The following TMEM204 variants were observed in gnomAD, a reference collection of about 807,000 sequenced individuals.
TMEM204 encodes the protein claudin-like protein 24.
TMEM204 carries 15 observed loss-of-function variants against 19.4 expected under a neutral mutation model. The observed-to-expected ratio is 0.77, with a 90% confidence interval of 0.52 to 1.19. The LOEUF is 1.19. Among genes scored for constraint, TMEM204 ranks in the 50% most tolerant of loss-of-function variants. TMEM204 has a pLI of 0.00. For synonymous variants in TMEM204, 161 were observed against 146.0 expected (o/e 1.10, Z -0.74); for missense variants, 287 against 321.2 (o/e 0.89, Z 0.81).
intron 2 of TMEM204, among the ~76,000 whole-genome samples, chr16:1,544,880 C>A (rs1452678954): frequency 6.6e-6 from 1 of 151,930 alleles, no homozygotes; most frequent in Non-Finnish European, 1.5e-5. Context: ...GATCTCCTGA[C>A]CTTGTGATCC....
At chr16:1,535,756 C>T (rs1232178473) in intron 1 of TMEM204, among the ~76,000 whole-genome samples, 5 of 152,250 alleles carry the variant, frequency 3.3e-5, no homozygotes, top group South Asian at 2.1e-4. Flanking sequence ...CAAAGGCCCT[C>T]GGCTGCACCG....
intron 1 of TMEM204, among the ~76,000 whole-genome samples, chr16:1,537,552 CTGTGGTG>C (rs760735899): frequency 3.5e-4 from 54 of 152,200 alleles, no homozygotes; most frequent in Non-Finnish European, 6.5e-4. Flanking sequence ...GTCCTGTGGC[CTGTGGTG>C]AGTGGGACTT....
rs140745655 is a variant in TMEM204 at position 1,550,844 on chromosome 16, C to T, written c.437-3938C>T. ...CAAGGAAAGTCAAGAGCGCCCTAGC[C>T]GTCTCTGTGGCTGACGCTGACCCTA... On this transcript the variant is annotated intron_variant, in intron 2 of 2. Transcript: ENST00000566264. Among the ~76,000 whole-genome samples, 813 of 152,344 alleles carry T rather than the reference C, an allele frequency of 5.3e-3. 7 individuals carry two copies. The highest frequency in any genetic ancestry group is 0.019 in the African/African-American group (779 of 41,578).
chr16:1,535,300 A>C (rs1481136686), intron 1 of TMEM204, among the ~76,000 whole-genome samples: 1 of 152,060 alleles, frequency 6.6e-6, no homozygotes, highest in Non-Finnish European at 1.5e-5. Flanking sequence ...ATGCCACCGC[A>C]CCGTGGGGTT....
chr16:1,546,587 C>T (rs1011719719), intron 2 of TMEM204, among the ~76,000 whole-genome samples: 1 of 152,210 alleles, frequency 6.6e-6, no homozygotes, highest in African/African-American at 2.4e-5. Flanking sequence ...AGGCCCGAGG[C>T]GCATCCCACG....
chr16:1,554,776 C>T lies in TMEM204; in HGVS notation c.437-6C>T, dbSNP rs2032952808. 6.2e-7 allele frequency: 1 copy of T among 1,613,934 alleles called. No homozygotes were observed. Among genetic ancestry groups the T allele is most frequent in the Non-Finnish European group, 8.5e-7 (1 of 1,179,862 alleles). On this transcript the variant is annotated splice_polypyrimidine_tract_variant and splice_region_variant and intron_variant, in intron 2 of 2. Coordinates refer to ENST00000566264, the MANE Select transcript of TMEM204 (RefSeq NM_024600.6). ...CAAGGCCTCTCAACCCTTCTCTCATCTGCAGGTTTTGTCCTGGTCATCGGG... is the reference window on the plus strand; with the variant it reads ...CAAGGCCTCTCAACCCTTCTCTCATTTGCAGGTTTTGTCCTGGTCATCGGG...
rs767973939 is a variant in TMEM204, at chr16:1,534,342, G to A, written c.67G>A (p.Val23Met). The A allele has an allele frequency of 9.3e-6, 15 of 1,612,726 alleles. No homozygotes were observed. Among genetic ancestry groups the A allele is most frequent in the African/African-American group, 2.7e-5 (2 of 74,932 alleles). Residue 23 changes from valine to methionine, a missense_variant, in exon 1 of 3, where the codon GTG (valine) becomes ATG (methionine). By Grantham distance (21) the Val-to-Met change is conservative (BLOSUM62 1). Transcript: ENST00000566264. The part of the protein sequence containing the change: ...VALVSLILNN[V>M]AAFTSNWVCQ... ...CCTGGTCTCACTCATCCTCAACAAC[G>A]TGGCGGCCTTCACCTCCAACTGGGT...
chr16:1,535,600 CCA>C (rs745904266), intron 1 of TMEM204, among the ~76,000 whole-genome samples: 2 of 152,304 alleles, frequency 1.3e-5, no homozygotes, highest in East Asian at 3.9e-4. Flanking sequence ...TGTGCCTCAA[CCA>C]CACAGCTCCA....
intron 1 of TMEM204, chr16:1,540,724 A>G: frequency 1.7e-6 from 1 of 593,614 alleles, no homozygotes; most frequent in Non-Finnish European, 2.1e-6. Flanking sequence ...TTCCTGCATC[A>G]GTTACCTGAA....
Position 1,553,970 on chromosome 16 carries a change from A to C in TMEM204, c.437-812A>C. ...AAGTGAAACTGTAGCATCAGCGACT[A>C]ACTAGACGGGAACAAGCTGCGCCAA... is the stretch of plus-strand genomic sequence containing the variant. On this transcript the variant is annotated intron_variant, in intron 2 of 2. Coordinates refer to ENST00000566264, the MANE Select transcript of TMEM204 (RefSeq NM_024600.6). The surrounding 1 kb of genome is among the most constrained non-coding windows in gnomAD (Gnocchi z 4.4). The C allele has an allele frequency of 7.8e-7, 1 of 1,287,256 alleles. No homozygotes were observed. Among genetic ancestry groups the C allele is most frequent in the Non-Finnish European group, 1.0e-6 (1 of 988,690 alleles). 79.7% of individuals were successfully genotyped at this position (1,287,256 alleles called of 1,614,324 possible).
chr16:1,535,269 G>A (rs1162186594), intron 1 of TMEM204, among the ~76,000 whole-genome samples: 1 of 152,114 alleles, frequency 6.6e-6, no homozygotes, highest in Non-Finnish European at 1.5e-5. Flanking sequence ...GGTTGCAGAG[G>A]AGAGGAAGGG....
At chr16:1,552,301 C>G (rs555265350) in intron 2 of TMEM204, among the ~76,000 whole-genome samples, 17 of 152,168 alleles carry the variant, frequency 1.1e-4, no homozygotes, top group South Asian at 4.2e-4. Context: ...TGGGCTGGGA[C>G]TCTCCCCAAG....
chr16:1,532,960 T>C, upstream of TMEM204: 1 of 152,486 alleles, frequency 6.6e-6, no homozygotes, highest in East Asian at 1.9e-4. Flanking sequence ...CCACGTGACA[T>C]TCGCTCTGTC....
At chr16:1,540,666 C>T (rs574822743) in intron 1 of TMEM204, 134 of 194,942 alleles carry the variant, frequency 6.9e-4, no homozygotes, top group African/African-American at 2.2e-3. Context: ...GTGATGGATG[C>T]GGGCGCGGGG....
At chr16:1,554,018 C>T in intron 2 of TMEM204, 1 of 1,287,248 alleles carries the variant, frequency 7.8e-7, no homozygotes, top group Non-Finnish European at 1.0e-6. Flanking sequence ...CACGGCCCAC[C>T]TCTCCTTCTC....
Position 1,537,232 on chromosome 16 carries a change from G to T in TMEM204, c.280+2677G>T, listed in dbSNP as rs577129500. 8.6e-5 allele frequency among the ~76,000 whole-genome samples: 13 copies of T among 151,658 alleles called. No individual in the cohort carries two copies. The East Asian group carries it at 2.5e-3, about 29-fold the overall frequency. On this transcript the variant is annotated intron_variant, in intron 1 of 2. Transcript: ENST00000566264. The stretch of plus-strand genomic sequence containing the variant: ...CGCGTGCCTCCTCACGCAGGCCAGG[G>T]AAGACAACGCCACACCGCGTGCCTC...
At chr16:1,541,817 C>T (rs1173480914) in intron 1 of TMEM204, 104 bp from the exon 2 acceptor site, 19 of 1,378,874 alleles carry the variant, frequency 1.4e-5, no homozygotes, top group East Asian at 7.7e-5. Flanking sequence ...CTGTGCCGAC[C>T]GCCCTTTCCG....
At chr16:1,546,532 G>A (rs749828522) in intron 2 of TMEM204, among the ~76,000 whole-genome samples, 3 of 152,212 alleles carry the variant, frequency 2.0e-5, no homozygotes, top group Non-Finnish European at 4.4e-5. Context: ...TTATTCCAGC[G>A]TCTCTCTGAA....
intron 1 of TMEM204, among the ~76,000 whole-genome samples, chr16:1,536,462 C>T (rs916485682): frequency 2.6e-5 from 4 of 152,198 alleles, no homozygotes; most frequent in Non-Finnish European, 5.9e-5. Flanking sequence ...ACAACATCCT[C>T]CTGCAACTTG....
Sources: gnomAD v4.1 joint callset for allele counts (sites outside exome capture counted in the v4.1 genomes callset) on GRCh38, gnomAD v4.1.1 for gene constraint, Gnocchi (gnomAD v3.1) non-coding constraint, MANE v1.5 for transcripts, NCBI Gene and HGNC (gene_info 2026-07-23, HGNC 2026-07-21) for gene names.